NLRP8: variants seen among roughly 807,000 people sequenced by gnomAD.
The protein encoded by NLRP8 is NACHT, LRR and PYD domains-containing protein 8.
A neutral mutation model predicts 88.7 loss-of-function variants in NLRP8; 86 were observed. The ratio of observed to expected loss-of-function variants is 0.97; its 90% CI spans 0.81 to 1.16. The LOEUF is 1.16. Ranked by LOEUF, NLRP8 falls within the 50% of genes most tolerant of loss-of-function variation. The probability of loss-of-function intolerance (pLI) is 0.00; values close to 1 mark genes in which losing one functional copy is unlikely to be tolerated. For missense variants in NLRP8, 1,342 were observed against 1,286.5 expected, an observed-to-expected ratio of 1.04 and a Z score of -0.66; for synonymous variants, 504 against 494.6, an observed-to-expected ratio of 1.02 and a Z score of -0.25.
At chr19:55,970,818 C>A in intron 6 of NLRP8, 122 bp downstream of exon 6, 1 of 1,260,916 alleles carries the variant, frequency 7.9e-7, no homozygotes, top group Non-Finnish European at 1.1e-6. Context: ...AAACATAAGT[C>A]TTGTGATTGA....
chr19:55,985,453 C>T (rs1980765237), intron 9 of NLRP8, among the ~76,000 whole-genome samples: 1 of 152,082 alleles, frequency 6.6e-6, no homozygotes, highest in South Asian at 2.1e-4. Context: ...TAAACATGAT[C>T]ACGTGACTTC....
rs184243025 is a variant in NLRP8 at position 55,962,624 on chromosome 19, C to T, written c.2213+387C>T. Among the ~76,000 whole-genome samples, 120 of 152,244 alleles carry T rather than the reference C, an allele frequency of 7.9e-4. 1 individual carries two copies. The highest frequency in any genetic ancestry group is 2.7e-3 in the African/African-American group (114 of 41,558). On this transcript the variant is annotated intron_variant, in intron 4 of 9. Coordinates refer to ENST00000291971, the MANE Select transcript of NLRP8 (RefSeq NM_176811.2). ...AAATGTTCAGCCCGGTGCTGTGGCT[C>T]ACGCCTATTTACTTCAGCTCAGGTG...
intron 9 of NLRP8, among the ~76,000 whole-genome samples, chr19:55,986,797 C>G (rs1054862029): frequency 1.3e-5 from 2 of 152,020 alleles, no homozygotes; most frequent in African/African-American, 4.8e-5. Flanking sequence ...GCTGGACCTG[C>G]TCTTGGTGGT....
intron 7 of NLRP8, among the ~76,000 whole-genome samples, chr19:55,974,993 T>C (rs1187806664): frequency 6.6e-6 from 1 of 152,178 alleles, no homozygotes; most frequent in Non-Finnish European, 1.5e-5. Flanking sequence ...GCTCCTGCTC[T>C]GTCACGAGGT....
Position 55,976,153 on chromosome 19 carries a change from C to A in NLRP8, c.2726C>A (p.Thr909Asn). 1 of 1,606,828 alleles carries A rather than the reference C, an allele frequency of 6.2e-7. No individual in the cohort carries two copies. The highest frequency in any genetic ancestry group is 8.5e-7 in the Non-Finnish European group (1 of 1,178,272). Residue 909 changes from threonine (T) to asparagine (N), a missense_variant, in exon 8 of 10, where the codon ACC becomes AAC. Transcript: ENST00000291971. ...TGCAGACTGAGAAAGTGTGACTTGA[C>A]CTTTAATTGCTGTCAGGATATGATC...
chr19:55,970,823 G>T, intron 6 of NLRP8, 127 bp downstream of exon 6: 1 of 1,226,546 alleles, frequency 8.2e-7, no homozygotes, highest in Non-Finnish European at 1.1e-6. Context: ...TAAGTCTTGT[G>T]ATTGATGTAA....
chr19:55,979,294 T>A, intron 8 of NLRP8, 100 bp from the exon 9 acceptor site: 1 of 1,269,952 alleles, frequency 7.9e-7, no homozygotes. Context: ...TACACATTCC[T>A]GTCAGTGTGA....
intron 9 of NLRP8, among the ~76,000 whole-genome samples, chr19:55,987,117 C>G (rs556981270): frequency 1.1e-4 from 16 of 152,282 alleles, no homozygotes; most frequent in African/African-American, 3.6e-4. Flanking sequence ...GCCTATAATC[C>G]CAGCACTTTG....
chr19:55,976,658 G>A (rs574467046), intron 8 of NLRP8, among the ~76,000 whole-genome samples: 2 of 115,932 alleles, frequency 1.7e-5, no homozygotes, highest in Non-Finnish European at 3.6e-5. Context: ...GAGATGACTG[G>A]TCTGAAATTG....
intron 2 of NLRP8, 48 bp downstream of exon 2, chr19:55,952,660 A>G (rs1374146301): frequency 6.7e-7 from 1 of 1,489,056 alleles, no homozygotes; most frequent in Admixed American, 1.7e-5. Context: ...TGGGCTATGG[A>G]CTGGGATGAG....
chr19:55,978,741 G>A (rs1422874711), intron 8 of NLRP8, among the ~76,000 whole-genome samples: 1 of 152,116 alleles, frequency 6.6e-6, no homozygotes, highest in African/African-American at 2.4e-5. Context: ...GTACTGTGTG[G>A]GAGGGCAAAG....
At chr19:55,968,071 C>G (rs1979919610) in intron 5 of NLRP8, among the ~76,000 whole-genome samples, 2 of 152,180 alleles carry the variant, frequency 1.3e-5, no homozygotes, top group African/African-American at 4.8e-5. Flanking sequence ...ACTTTATGAA[C>G]ACTGAAACAT....
intron 7 of NLRP8, 56 bp from the exon 8 acceptor site, chr19:55,976,077 T>TTG: frequency 1.5e-6 from 2 of 1,367,966 alleles, no homozygotes; most frequent in Non-Finnish European, 2.0e-6. Context: ...GTTGTTGTTG[T>TTG]TGTTGTTTTG....
In NLRP8 at chr19:55,966,218, G is replaced by A. The variant is rs778909852; in HGVS notation, c.2219G>A (p.Arg740Lys). 2.5e-6 allele frequency: 4 copies of A among 1,614,016 alleles called. No individual in the cohort carries two copies. In the East Asian group the frequency reaches 6.7e-5, roughly 27 times the overall value. Residue 740 changes from arginine (R) to lysine (K), a missense_variant, in exon 5 of 10, where the codon AGG (arginine) becomes AAG (lysine). Coordinates refer to ENST00000291971, the MANE Select transcript of NLRP8 (RefSeq NM_176811.2). ...AGACGCTCTTCCCTCTCCAGCCTAA[G>A]GCGTGTGAATAGCACCATGTTGAAC...
chr19:55,977,399 T>C (rs920280312), intron 8 of NLRP8, among the ~76,000 whole-genome samples: 1 of 121,674 alleles, frequency 8.2e-6, no homozygotes, highest in African/African-American at 3.4e-5. Flanking sequence ...AATACGAATA[T>C]ATTATATGTA....
At chr19:55,983,944 T>C (rs1256320641) in intron 9 of NLRP8, among the ~76,000 whole-genome samples, 1 of 152,078 alleles carries the variant, frequency 6.6e-6, no homozygotes, top group Non-Finnish European at 1.5e-5. Context: ...AAAAAATTAC[T>C]GCTAACATGC....
At chr19:55,963,038 G>A (rs1195151668) in intron 4 of NLRP8, among the ~76,000 whole-genome samples, 2 of 151,902 alleles carry the variant, frequency 1.3e-5, no homozygotes, top group Admixed American at 1.3e-4. Flanking sequence ...TTTTAAAACA[G>A]AGTCTCACTT....
Position 55,976,320 on chromosome 19 carries a change from C to A in NLRP8, c.2876+17C>A. Reference sequence around the variant, plus strand: ...GATCCTGGAGTAAGTGGCCCCTCGTCTCCTCCTGTGAGACCAGGAGAATTG... The same window carrying A: ...GATCCTGGAGTAAGTGGCCCCTCGTATCCTCCTGTGAGACCAGGAGAATTG... On this transcript the variant is annotated intron_variant, in intron 8 of 9. Transcript: ENST00000291971. 1 of 1,581,940 alleles carries A rather than the reference C, an allele frequency of 6.3e-7. No individual in the cohort carries two copies. Among genetic ancestry groups the A allele is most frequent in the Non-Finnish European group, 8.6e-7 (1 of 1,168,718 alleles).
chr19:55,986,889 C>T (rs879224644), intron 9 of NLRP8, among the ~76,000 whole-genome samples: 17 of 152,260 alleles, frequency 1.1e-4, no homozygotes, highest in Non-Finnish European at 1.3e-4. Flanking sequence ...TTAGAACCCG[C>T]GTATTGAGCT....
Sources: allele counts gnomAD v4.1 joint callset (sites outside exome capture counted in the v4.1 genomes callset), GRCh38; gene constraint gnomAD v4.1.1; transcripts MANE v1.5; gene names NCBI Gene and HGNC (gene_info 2026-07-23, HGNC 2026-07-21).